COPG2: variants seen among roughly 807,000 people sequenced by gnomAD.
The protein encoded by COPG2 is coatomer subunit gamma-2.
In COPG2, 37 loss-of-function variants were observed where a neutral mutation model predicts 46.3. The observed-to-expected ratio is 0.80, with a 90% CI of 0.61 to 1.05. COPG2 has a LOEUF of 1.05. COPG2 is among the 50% of genes least tolerant of loss of function. The probability of loss-of-function intolerance (pLI) is 0.00; values close to 1 mark genes in which losing one functional copy is unlikely to be tolerated. For missense variants in COPG2, 427 were observed against 387.8 expected (o/e 1.10, Z -0.85); for synonymous variants, 159 against 129.7 (o/e 1.23, Z -1.53).
intron 9 of COPG2, among the ~76,000 whole-genome samples, chr7:130,609,677 A>G (rs1794803213): frequency 6.6e-6 from 1 of 151,896 alleles, no homozygotes. Flanking sequence ...CAGATGTTCT[A>G]TTCTTTTATT....
chr7:130,550,368 G>A (rs1296043109), intron 17 of COPG2, among the ~76,000 whole-genome samples, 156 bp downstream of exon 17: 2 of 126,114 alleles, frequency 1.6e-5, no homozygotes, highest in African/African-American at 6.1e-5. Flanking sequence ...TAGAGATCGC[G>A]CCACTGTGCT....
At chr7:130,582,305 T>C (rs1794166568) in intron 9 of COPG2, among the ~76,000 whole-genome samples, 1 of 147,304 alleles carries the variant, frequency 6.8e-6, no homozygotes, top group Non-Finnish European at 1.5e-5. Context: ...TGTAGAAAGC[T>C]GAAACTGGAT....
At chr7:130,582,288 A>G (rs1239394816) in intron 9 of COPG2, among the ~76,000 whole-genome samples, 1 of 148,156 alleles carries the variant, frequency 6.7e-6, no homozygotes, top group African/African-American at 2.5e-5. Flanking sequence ...AAAACTGGCT[A>G]GCCATATGTA....
intron 20 of COPG2, among the ~76,000 whole-genome samples, chr7:130,527,767 C>A (rs1239008963): frequency 6.6e-6 from 1 of 152,002 alleles, no homozygotes; most frequent in African/African-American, 2.4e-5. Flanking sequence ...GCATCAGGGT[C>A]AAGACTGTCA....
chr7:130,609,334 A>G (rs904094628), intron 9 of COPG2, among the ~76,000 whole-genome samples: 2 of 152,202 alleles, frequency 1.3e-5, no homozygotes, highest in Admixed American at 1.3e-4. Context: ...TTCTCATGAC[A>G]GTAAGTCTCA....
intron 15 of COPG2, among the ~76,000 whole-genome samples, chr7:130,551,595 A>G (rs1793535235): frequency 1.3e-5 from 2 of 152,220 alleles, no homozygotes; most frequent in African/African-American, 4.8e-5. Flanking sequence ...GAGCACAAGA[A>G]CATGAAATAG....
At chr7:130,547,524 A>G (rs1355479551) in intron 20 of COPG2, 150 bp downstream of exon 20, 2 of 396,772 alleles carry the variant, frequency 5.0e-6, no homozygotes, top group East Asian at 7.1e-5. Context: ...AAATATATAT[A>G]TTCACACACA....
intron 5 of COPG2, among the ~76,000 whole-genome samples, chr7:130,639,660 G>A (rs1286391813): frequency 4.6e-5 from 7 of 152,144 alleles, no homozygotes; most frequent in African/African-American, 1.2e-4. Context: ...GTTCTGCCTC[G>A]CCTTCTGTGC....
intron 20 of COPG2, among the ~76,000 whole-genome samples, chr7:130,515,665 T>C (rs1301256882): frequency 6.6e-6 from 1 of 151,616 alleles, no homozygotes; most frequent in African/African-American, 2.4e-5. Context: ...CAGCTGAAAA[T>C]TAAAAGAAGC....
chr7:130,663,017 C>CA lies in COPG2; in HGVS notation c.192_193insT (p.Glu65Ter). 1 of 1,546,388 alleles carries CA rather than the reference C, an allele frequency of 6.5e-7. No individual in the cohort carries two copies. Reference sequence around the variant, plus strand: ...ATTGCAAAGAAGGCTTCTGTAGCTTCCGTTGTTCCAAAGTGTTCACCCTAA... The same window carrying CA: ...ATTGCAAAGAAGGCTTCTGTAGCTTCACGTTGTTCCAAAGTGTTCACCCTAA... On this transcript the variant is annotated frameshift_variant, in exon 4 of 24. Coordinates refer to ENST00000425248, the MANE Select transcript of COPG2 (RefSeq NM_012133.6). LOFTEE classifies it high-confidence loss of function.
chr7:130,510,711 CTGAAACCTTAG>C (rs59701361), intron 20 of COPG2, among the ~76,000 whole-genome samples: 70,428 of 151,756 alleles, frequency 0.46, 17,854 homozygotes, highest in East Asian at 0.59. Flanking sequence ...GATAATGTTC[CTGAAACCTTAG>C]TGGGAATTTT....
At chr7:130,589,892 T>TA (rs781979470) in intron 9 of COPG2, among the ~76,000 whole-genome samples, 6 of 152,204 alleles carry the variant, frequency 3.9e-5, no homozygotes, top group Non-Finnish European at 7.3e-5. Context: ...AAGAGTTCTT[T>TA]ATATATTTGG....
At chr7:130,583,963 G>T (rs782205032) in intron 9 of COPG2, among the ~76,000 whole-genome samples, 14 of 151,640 alleles carry the variant, frequency 9.2e-5, no homozygotes, top group Non-Finnish European at 1.8e-4. Flanking sequence ...CTCATTCTAT[G>T]AAGCCAGTAT....
intron 10 of COPG2, 119 bp from the exon 11 acceptor site, chr7:130,563,455 T>C: frequency 2.6e-6 from 1 of 378,254 alleles, no homozygotes; most frequent in Non-Finnish European, 4.7e-6. Flanking sequence ...CAGATATAGA[T>C]ACAGTGACTA....
Position 130,668,681 on chromosome 7 carries a change from C to A in COPG2, c.-13G>T. 1 of 1,533,442 alleles carries A rather than the reference C, an allele frequency of 6.5e-7. No individual in the cohort carries two copies. Among genetic ancestry groups the A allele is most frequent in the Non-Finnish European group, 8.8e-7 (1 of 1,141,584 alleles). The allele number at this position is 1,533,442 out of a possible 1,614,324, so 95.0% of individuals were successfully genotyped here. On this transcript the variant is annotated 5_prime_UTR_variant, in exon 1 of 24. Transcript: ENST00000425248. ...ATTTTTTAATCATCTTGGACGACTT[C>A]CCAGCGCCCAGACCCACCGCAACCG...
In COPG2 at chr7:130,554,465, T is replaced by A. The variant is rs2116391884; in HGVS notation, c.1468+16A>T. 1.0e-5 allele frequency: 4 copies of A among 398,570 alleles called. No homozygotes were observed. The East Asian group carries it at 1.4e-4, about 14-fold the overall frequency. The allele number at this position is 398,570 out of a possible 1,614,324, so 24.7% of individuals were successfully genotyped here. A position where few individuals can be genotyped will look rare whatever the true frequency, so the allele number is the denominator to read the frequency against. Reference sequence around the variant, plus strand: ...AAAAGATCAGCATCGTCAATATCAGTGTCCCAATGACTCACCAGCTCTGAC... The same window carrying A: ...AAAAGATCAGCATCGTCAATATCAGAGTCCCAATGACTCACCAGCTCTGAC... On this transcript the variant is annotated intron_variant, in intron 14 of 23. Transcript: ENST00000425248.
At chr7:130,573,134 C>T (rs1341596492) in intron 9 of COPG2, among the ~76,000 whole-genome samples, 1 of 151,388 alleles carries the variant, frequency 6.6e-6, no homozygotes, top group African/African-American at 2.4e-5. Context: ...CCTAGAAATA[C>T]CAAACTACTA....
chr7:130,557,684 G>A (rs1455918389), intron 12 of COPG2, among the ~76,000 whole-genome samples: 11 of 151,406 alleles, frequency 7.3e-5, no homozygotes, highest in African/African-American at 9.7e-5. Context: ...GGCGGGTGGC[G>A]GGTGCCTGTA....
intron 20 of COPG2, among the ~76,000 whole-genome samples, chr7:130,545,252 C>T (rs1793421302): frequency 6.6e-6 from 1 of 151,940 alleles, no homozygotes; most frequent in African/African-American, 2.4e-5. Context: ...CACGATTACA[C>T]AGTCAGTATG....
Sources: allele counts gnomAD v4.1 joint callset (sites outside exome capture counted in the v4.1 genomes callset), GRCh38; gene constraint gnomAD v4.1.1; transcripts MANE v1.5; gene names NCBI Gene and HGNC (gene_info 2026-07-23, HGNC 2026-07-21).